PI4KA: variants seen among roughly 807,000 people sequenced by gnomAD.
The protein encoded by PI4KA is phosphatidylinositol 4-kinase alpha.
Under a neutral mutation model 271.4 loss-of-function variants are expected in PI4KA, and 122 were observed. The ratio of observed to expected loss-of-function variants is 0.45; its 90% CI spans 0.39 to 0.52. PI4KA has a LOEUF of 0.52. Among genes scored for constraint, PI4KA ranks in the 20% least tolerant of loss-of-function variants. The probability of loss-of-function intolerance (pLI) is 0.00; values close to 1 mark genes in which losing one functional copy is unlikely to be tolerated. For missense variants in PI4KA, 1,969 were observed against 2,769.1 expected, an observed-to-expected ratio of 0.71 and a Z score of 6.48; for synonymous variants, 1,041 against 1,078.8, an observed-to-expected ratio of 0.96 and a Z score of 0.69.
At chr22:20,736,421 AG>A in intron 32 of PI4KA, 1 of 152,038 alleles carries the variant, frequency 6.6e-6, no homozygotes, top group South Asian at 2.1e-4. Context: ...TCGAGTCTGT[AG>A]GGGGGCTCTG....
At chr22:20,747,176 G>A (rs1302379107) in intron 29 of PI4KA, among the ~76,000 whole-genome samples, 2 of 152,192 alleles carry the variant, frequency 1.3e-5, no homozygotes, top group African/African-American at 4.8e-5. Flanking sequence ...AGGCATTCAT[G>A]TGCGGTTCAG....
chr22:20,851,981 G>T (rs926012654), intron 1 of PI4KA, among the ~76,000 whole-genome samples: 1 of 151,998 alleles, frequency 6.6e-6, no homozygotes, highest in Non-Finnish European at 1.5e-5. Context: ...AAAATTAGCC[G>T]GGCGTGGTGG....
intron 19 of PI4KA, chr22:20,780,296 A>C (rs1012166178): frequency 6.4e-7 from 1 of 1,573,230 alleles, no homozygotes; most frequent in African/African-American, 1.3e-5. Context: ...TGTAGCTATA[A>C]TTTATCCAGG....
chr22:20,858,653 T>TGGAGCC lies in PI4KA; in HGVS notation c.67_72dup (p.Gly23_Ser24dup), dbSNP rs775551757. On this transcript the variant is annotated inframe_insertion, in exon 1 of 55. Coordinates refer to ENST00000255882, the MANE Select transcript of PI4KA (RefSeq NM_058004.4). Reference sequence around the variant, plus strand: ...TTGAAATAGAAGCCCCGCGAGGCGCTGGAGCCGGAGCCGGAGCAGCCGCCG... The same window carrying TGGAGCC: ...TTGAAATAGAAGCCCCGCGAGGCGCTGGAGCCGGAGCCGGAGCCGGAGCAGCCGCCG... The TGGAGCC allele has an allele frequency of 9.4e-5, 139 of 1,483,448 alleles. 1 individual carries two copies. The highest frequency in any genetic ancestry group is 7.6e-4 in the African/African-American group (52 of 68,686). The allele number at this position is 1,483,448 out of a possible 1,614,324, so 91.9% of individuals were successfully genotyped here. A position where few individuals can be genotyped will look rare whatever the true frequency, so the allele number is the denominator to read the frequency against.
At position 20,742,310 on chromosome 22, in the gene PI4KA, C is replaced by G; in HGVS notation, c.3659G>C (p.Arg1220Pro). 1.2e-6 allele frequency: 2 copies of G among 1,614,196 alleles called. No homozygotes were observed. Among genetic ancestry groups the G allele is most frequent in the Non-Finnish European group, 1.7e-6 (2 of 1,180,020 alleles). The change falls in exon 32 of 55, where the codon CGG (arginine) becomes CCG (proline). Residue 1220 changes from arginine to proline, a missense_variant. Transcript: ENST00000255882. ...CTCCATGCCATGCTCATTGAACATC[C>G]GGAGGGGACCCCAGCACAGATGATG... ...LLHHLCWGPLRMFNEHGMETA... is the reference protein window; with the variant it reads ...LLHHLCWGPLPMFNEHGMETA...
intron 19 of PI4KA, among the ~76,000 whole-genome samples, chr22:20,770,534 A>AAAAAAAAAG (rs763087074): frequency 1.3e-5 from 1 of 76,770 alleles, no homozygotes; most frequent in Non-Finnish European, 2.6e-5. Flanking sequence ...AAAAAAAAAG[A>AAAAAAAAAG]GAGAGAGAGA....
In PI4KA at chr22:20,764,720, G is replaced by C. The variant is rs117766934; in HGVS notation, c.2708+97C>G. 2,195 of 1,308,328 alleles carry C rather than the reference G, an allele frequency of 1.7e-3. 45 individuals carry two copies. In the East Asian group the frequency reaches 0.046, roughly 28 times the overall value. The allele number at this position is 1,308,328 out of a possible 1,614,324, so 81.0% of individuals were successfully genotyped here. A position where few individuals can be genotyped will look rare whatever the true frequency, so the allele number is the denominator to read the frequency against. ...TTTTCAGAAAGTTTGCATGTCTTGG[G>C]AGAAGTTGAAAAAAGTCTCATGCTT... On this transcript the variant is annotated intron_variant, in intron 22 of 54. Transcript: ENST00000255882.
At chr22:20,780,791 A>AAAAAAAAAAAAG (rs361972) in intron 19 of PI4KA, among the ~76,000 whole-genome samples, 1 of 151,118 alleles carries the variant, frequency 6.6e-6, no homozygotes, top group Non-Finnish European at 1.5e-5. Flanking sequence ...AAAAAAAAAA[A>AAAAAAAAAAAAG]GAAGTAAAAC....
At chr22:20,839,074 A>G (rs1382713033) in intron 1 of PI4KA, among the ~76,000 whole-genome samples, 1 of 152,104 alleles carries the variant, frequency 6.6e-6, no homozygotes, top group Non-Finnish European at 1.5e-5. Context: ...AAAATTAGCC[A>G]GGCGTGGTGG....
intron 1 of PI4KA, among the ~76,000 whole-genome samples, chr22:20,856,532 T>C (rs1569107515): frequency 6.6e-6 from 1 of 151,684 alleles, no homozygotes; most frequent in Admixed American, 6.6e-5. Flanking sequence ...CCTCTCAGGT[T>C]CAAGCGATTC....
In PI4KA at chr22:20,786,451, C is replaced by G. The variant is rs1026235206; in HGVS notation, c.2328+6742G>C. On this transcript the variant is annotated intron_variant, in intron 19 of 54. Coordinates refer to ENST00000255882, the MANE Select transcript of PI4KA (RefSeq NM_058004.4). The stretch of plus-strand genomic sequence containing the variant: ...GCTGCGGTCTGGGAAATAGCTACCC[C>G]CAGCCAAATCATGAAAGAGCCATTA... 2.0e-5 allele frequency among the ~76,000 whole-genome samples: 3 copies of G among 152,278 alleles called. No homozygotes were observed. In the East Asian group the frequency reaches 5.8e-4, roughly 29 times the overall value.
At chr22:20,845,202 T>C (rs896666952) in intron 1 of PI4KA, among the ~76,000 whole-genome samples, 1 of 152,182 alleles carries the variant, frequency 6.6e-6, no homozygotes, top group South Asian at 2.1e-4. Flanking sequence ...ATCTCAAAGA[T>C]GTGAATTTTG....
chr22:20,756,631 A>T (rs563187280), intron 23 of PI4KA, among the ~76,000 whole-genome samples: 11 of 149,760 alleles, frequency 7.3e-5, no homozygotes, highest in Admixed American at 3.3e-4. Context: ...TAAGGAGATT[A>T]AAAAAAATTT....
intron 36 of PI4KA, 57 bp from the exon 37 acceptor site, chr22:20,730,068 A>G (rs1170034342): frequency 1.0e-5 from 16 of 1,597,334 alleles, no homozygotes; most frequent in Non-Finnish European, 1.4e-5. Context: ...AAGGTACCAC[A>G]AAAAATAAAC....
rs781705964 is a variant in PI4KA, at chr22:20,712,679, C to T, written c.5676+14G>A. 3 of 1,553,688 alleles carry T rather than the reference C, an allele frequency of 1.9e-6. No homozygotes were observed. The African/African-American group carries it at 4.1e-5, about 21-fold the overall frequency. On this transcript the variant is annotated intron_variant, in intron 49 of 54. Transcript: ENST00000255882. ...GCCCAGGGCTGCCCTACTGGCTCCA[C>T]TCAGGGAACTTACCCCAGGGGCAGT...
At chr22:20,740,107 A>G (rs1697241212) in intron 32 of PI4KA, among the ~76,000 whole-genome samples, 1 of 150,146 alleles carries the variant, frequency 6.7e-6, no homozygotes, top group East Asian at 1.9e-4. Flanking sequence ...GAAATCCTAG[A>G]TCTGGAATTG....
At position 20,711,341 on chromosome 22, in the gene PI4KA, CG is replaced by C. The variant is rs1406672777; in HGVS notation, c.5922del (p.Ile1974MetfsTer23). On this transcript the variant is annotated frameshift_variant and splice_region_variant, in exon 51 of 55. Coordinates refer to ENST00000255882, the MANE Select transcript of PI4KA (RefSeq NM_058004.4). LOFTEE classifies it high-confidence loss of function. The stretch of plus-strand genomic sequence containing the variant: ...GAGGGTGGCGCTGTGGCTGGCTGAC[CG>C]ATGTGGATGATATGACCCTTCTTGT... ...MLDKKGHIIH[I>X]DFGFMFESSP... 1 of 1,372,598 alleles carries C rather than the reference CG, an allele frequency of 7.3e-7. No individual in the cohort carries two copies. The highest frequency in any genetic ancestry group is 1.0e-6 in the Non-Finnish European group (1 of 998,260). 85.0% of individuals were successfully genotyped at this position (1,372,598 alleles called of 1,614,324 possible).
Position 20,709,982 on chromosome 22 carries a change from C to T in PI4KA, c.6099G>A (p.Ala2033=), listed in dbSNP as rs151214632. 3.8e-3 allele frequency: 6,083 copies of T among 1,613,212 alleles called. 13 individuals carry two copies. Among genetic ancestry groups the T allele is most frequent in the Non-Finnish European group, 4.8e-3 (5,694 of 1,179,224 alleles). Residue 2033 remains alanine, a synonymous_variant, in exon 53 of 55, where the codon GCG becomes GCA. Transcript: ENST00000255882. ...GYLAVRPYMD[A]VVSLVTLMLD... The stretch of plus-strand genomic sequence containing the variant: ...ACATGAGAGTGACCAGGGAGACGAC[C>T]GCGTCCATGTAGGGCCTGGGGAGAG...
chr22:20,826,828 T>C (rs1348201120), intron 3 of PI4KA, among the ~76,000 whole-genome samples: 4 of 152,242 alleles, frequency 2.6e-5, no homozygotes, highest in South Asian at 2.1e-4. Context: ...ATATTTTTCA[T>C]ATATTTTTGG....
Sources: gnomAD v4.1 joint callset for allele counts (sites outside exome capture counted in the v4.1 genomes callset) on GRCh38, gnomAD v4.1.1 for gene constraint, MANE v1.5 for transcripts, NCBI Gene and HGNC (gene_info 2026-07-23, HGNC 2026-07-21) for gene names.